Variants in EMC8 observed in about 807,000 individuals in gnomAD.
EMC8 encodes the protein ER membrane protein complex subunit 8.
A neutral mutation model predicts 24.3 loss-of-function variants in EMC8; 11 were observed. The observed-to-expected ratio is 0.45, with a 90% CI of 0.28 to 0.75. The LOEUF is 0.75. EMC8 is among the 30% of genes least tolerant of loss of function. The pLI is 0.12. For synonymous variants in EMC8, 145 were observed against 117.7 expected (o/e 1.23, Z -1.50); for missense variants, 277 against 282.7 (o/e 0.98, Z 0.14).
chr16:85,786,733 G>A (rs1051771756), intron 2 of EMC8, among the ~76,000 whole-genome samples: 28 of 152,202 alleles, frequency 1.8e-4, no homozygotes, highest in African/African-American at 6.5e-4. Flanking sequence ...TGAGGATAGG[G>A]AGGACATTCT....
intron 1 of EMC8, among the ~76,000 whole-genome samples, chr16:85,794,279 G>C (rs1412893798): frequency 1.3e-5 from 2 of 152,150 alleles, no homozygotes; most frequent in Admixed American, 6.5e-5. Context: ...ATTTGTGGAT[G>C]GACTCCAGCT....
chr16:85,780,113 G>A (rs1323177925), intron 4 of EMC8: 2 of 600,338 alleles, frequency 3.3e-6, no homozygotes, highest in African/African-American at 3.7e-5. Context: ...GAAGCTTTCT[G>A]AGTGGCCACA....
At chr16:85,780,047 T>TA in intron 4 of EMC8, 180 bp from the exon 5 acceptor site, 1 of 614,910 alleles carries the variant, frequency 1.6e-6, no homozygotes, top group South Asian at 2.0e-5. Flanking sequence ...ACATGGTTAA[T>TA]ACATGGAAGG....
intron 2 of EMC8, among the ~76,000 whole-genome samples, chr16:85,786,808 C>A (rs942261221): frequency 6.6e-6 from 1 of 152,142 alleles, no homozygotes; most frequent in Non-Finnish European, 1.5e-5. Flanking sequence ...TGGGCTGTAA[C>A]GAGGTCAGCA....
At chr16:85,789,556 C>G (rs1262993148) in intron 1 of EMC8, among the ~76,000 whole-genome samples, 1 of 152,104 alleles carries the variant, frequency 6.6e-6, no homozygotes, top group African/African-American at 2.4e-5. Flanking sequence ...CTTTGGGAGG[C>G]TGAGGTGGGC....
chr16:85,780,763 T>C, intron 3 of EMC8: 1 of 502,750 alleles, frequency 2.0e-6, no homozygotes, highest in Non-Finnish European at 3.6e-6. Flanking sequence ...AGCAAGGCCC[T>C]TGATGTCATC....
At chr16:85,780,173 G>A (rs1904420571) in intron 4 of EMC8, 13 of 605,274 alleles carry the variant, frequency 2.1e-5, no homozygotes, top group Admixed American at 2.9e-5. Context: ...CTAGCGCCTG[G>A]GGTGGGAAGA....
At chr16:85,784,663 G>C (rs1034237476) in intron 2 of EMC8, 1 of 152,162 alleles carries the variant, frequency 6.6e-6, no homozygotes. Flanking sequence ...ACCAGGACTC[G>C]GTGGGCGCCA....
chr16:85,783,958 G>A (rs1451446814), intron 2 of EMC8, among the ~76,000 whole-genome samples: 3 of 152,138 alleles, frequency 2.0e-5, no homozygotes, highest in African/African-American at 4.8e-5. Context: ...CACAATCAAG[G>A]CTTTCAGCTT....
At chr16:85,789,664 C>T (rs1336730827) in intron 1 of EMC8, among the ~76,000 whole-genome samples, 2 of 152,066 alleles carry the variant, frequency 1.3e-5, no homozygotes, top group African/African-American at 2.4e-5. Context: ...TGGTGGTGGG[C>T]GCTTGTCATC....
intron 1 of EMC8, among the ~76,000 whole-genome samples, chr16:85,795,177 GAGA>G (rs1307665603): frequency 1.3e-5 from 2 of 152,092 alleles, no homozygotes; most frequent in Non-Finnish European, 2.9e-5. Flanking sequence ...ACTTAAGAAT[GAGA>G]AGAATAAGCA....
At chr16:85,795,848 A>T (rs117018617) in intron 1 of EMC8, among the ~76,000 whole-genome samples, 2,718 of 152,284 alleles carry the variant, frequency 0.018, 48 homozygotes, top group South Asian at 0.028. Context: ...CTGAGCCCTC[A>T]ACCCGTGGGC....
chr16:85,791,490 G>C (rs546566591), intron 1 of EMC8, among the ~76,000 whole-genome samples: 122 of 152,186 alleles, frequency 8.0e-4, no homozygotes, highest in African/African-American at 2.6e-3. Context: ...TCTGACAGGC[G>C]CTGGTGTGTG....
chr16:85,793,645 T>C (rs907007657), intron 1 of EMC8, among the ~76,000 whole-genome samples: 2 of 152,148 alleles, frequency 1.3e-5, no homozygotes, highest in Non-Finnish European at 2.9e-5. Flanking sequence ...CAGGCCCACA[T>C]GGAGGCCACA....
At chr16:85,779,959 G>A in intron 4 of EMC8, 92 bp from the exon 5 acceptor site, 1 of 1,016,884 alleles carries the variant, frequency 9.8e-7, no homozygotes, top group Non-Finnish European at 1.5e-6. Flanking sequence ...CATGCACAGT[G>A]GTATGAACAG....
At chr16:85,798,114 G>GTTTTTTTT (rs1163747067) in intron 1 of EMC8, among the ~76,000 whole-genome samples, 2 of 72,152 alleles carry the variant, frequency 2.8e-5, no homozygotes, top group African/African-American at 6.0e-5. Context: ...ACAGAAATTC[G>GTTTTTTTT]TTTTTTTTTT....
intron 2 of EMC8, among the ~76,000 whole-genome samples, chr16:85,783,402 T>C (rs1268031990): frequency 6.6e-6 from 1 of 152,180 alleles, no homozygotes; most frequent in Non-Finnish European, 1.5e-5. Context: ...CAATCAATCC[T>C]TCCTGCTCAG....
At chr16:85,791,029 T>C (rs9938624) in intron 1 of EMC8, among the ~76,000 whole-genome samples, 3,103 of 152,174 alleles carry the variant, frequency 0.02, 110 homozygotes, top group African/African-American at 0.07. Context: ...GGTTTCATCA[T>C]GTTGCCCAGG....
chr16:85,786,220 C>A (rs1904747084), intron 2 of EMC8, among the ~76,000 whole-genome samples: 2 of 152,216 alleles, frequency 1.3e-5, no homozygotes, highest in Non-Finnish European at 2.9e-5. Flanking sequence ...ATCAGTAAGT[C>A]ACCTAGAATT....
Sources: gnomAD v4.1 joint callset for allele counts (sites outside exome capture counted in the v4.1 genomes callset) on GRCh38, gnomAD v4.1.1 for gene constraint, MANE v1.5 for transcripts, NCBI Gene and HGNC (gene_info 2026-07-23, HGNC 2026-07-21) for gene names.